Variants in TRPC1 observed in about 807,000 individuals in gnomAD.
The protein encoded by TRPC1 is transient receptor potential cation channel subfamily C member 1, also known as short transient receptor potential channel 1.
In TRPC1, 42 loss-of-function variants were observed where a neutral mutation model predicts 88.2. The observed-to-expected ratio is 0.48, with a 90% CI of 0.37 to 0.62. The LOEUF (loss-of-function observed/expected upper bound fraction) is 0.62. Among genes scored for constraint, TRPC1 ranks in the 20% least tolerant of loss-of-function variants. TRPC1 has a pLI of 0.00. For synonymous variants in TRPC1, 288 were observed against 331.8 expected (o/e 0.87, Z 1.43); for missense variants, 699 against 957.3 (o/e 0.73, Z 3.56).
chr3:142,732,914 TC>T (rs1933978832), intron 1 of TRPC1, among the ~76,000 whole-genome samples: 1 of 152,162 alleles, frequency 6.6e-6, no homozygotes, highest in South Asian at 2.1e-4. Context: ...TTTTAAGTTT[TC>T]TGACCTCTTT....
chr3:142,802,220 C>G lies in TRPC1; in HGVS notation c.1633C>G (p.Leu545Val). Residue 545 changes from leucine (L) to valine (V), a missense_variant, in exon 10 of 13, where the codon CTT (leucine) becomes GTT (valine). Leu to Val is a conservative substitution (Grantham distance 32). This residue lies in a region of TRPC1 where 426 missense variants were observed against 641.3 expected (regional missense o/e 0.66). Coordinates refer to ENST00000476941, the MANE Select transcript of TRPC1 (RefSeq NM_001251845.2). ...QDFGKFLGMFLLVLFSFTIGL... is the reference protein window; with the variant it reads ...QDFGKFLGMFVLVLFSFTIGL... ...TTTTGGAAAATTTCTTGGGATGTTT[C>G]TTCTTGTTTTGTTTTCTTTCACAAT... 1 of 1,594,614 alleles carries G rather than the reference C, an allele frequency of 6.3e-7. No homozygotes were observed. The highest frequency in any genetic ancestry group is 1.2e-5 in the South Asian group (1 of 86,662).
intron 9 of TRPC1, among the ~76,000 whole-genome samples, chr3:142,796,805 G>C (rs896408027): frequency 6.6e-6 from 1 of 152,114 alleles, no homozygotes; most frequent in South Asian, 2.1e-4. Context: ...ACTGAATCTG[G>C]CATTTAAAGT....
In TRPC1 at chr3:142,791,048, T is replaced by C; in HGVS notation, c.1327T>C (p.Trp443Arg). The C allele has an allele frequency of 6.2e-7, 1 of 1,607,758 alleles. No homozygotes were observed. Among genetic ancestry groups the C allele is most frequent in the South Asian group, 1.1e-5 (1 of 89,422 alleles). The change falls in exon 8 of 13, where the codon TGG becomes CGG. Residue 443 changes from tryptophan to arginine, a missense_variant. By Grantham distance (101) the Trp-to-Arg change is moderately radical. Around this residue, in one of 4 missense-constraint regions of TRPC1, gnomAD observed 426 missense variants for 641.3 expected, o/e 0.66. Transcript: ENST00000476941. ...GATTTGGTCAGACATTAAAAGACTCTGGTATGAAGGGTTGGAAGACTTTTT... is the reference window on the plus strand; with the variant it reads ...GATTTGGTCAGACATTAAAAGACTCCGGTATGAAGGGTTGGAAGACTTTTT... ...GMIWSDIKRL[W>R]YEGLEDFLEE... is the part of the protein sequence containing the mutation.
At chr3:142,772,467 G>A (rs1935610521) in intron 4 of TRPC1, among the ~76,000 whole-genome samples, 2 of 151,978 alleles carry the variant, frequency 1.3e-5, no homozygotes. Context: ...GTTTTCTGGG[G>A]CTCCCATAAT....
chr3:142,730,771 C>T (rs1409022278), intron 1 of TRPC1, among the ~76,000 whole-genome samples: 1 of 151,898 alleles, frequency 6.6e-6, no homozygotes, highest in Non-Finnish European at 1.5e-5. Context: ...CTTAATAAAA[C>T]TTTCTGTTTT....
intron 5 of TRPC1, among the ~76,000 whole-genome samples, chr3:142,778,513 A>G (rs1935857976): frequency 6.6e-6 from 1 of 152,154 alleles, no homozygotes; most frequent in East Asian, 1.9e-4. Flanking sequence ...TATTAATAGT[A>G]GAGTTGAGAG....
rs1459805744 is a variant in TRPC1, at chr3:142,806,702, T to A, written c.*467T>A. On this transcript the variant is annotated 3_prime_UTR_variant, in exon 13 of 13. Transcript: ENST00000476941. ...CAGCATTTATTGTTTAGGAGTATAA[T>A]TTTATTTTATCTAAAATAATAGTCT... 4 of 152,084 alleles carry A rather than the reference T, an allele frequency of 2.6e-5. No individual in the cohort carries two copies. The highest frequency in any genetic ancestry group is 9.7e-5 in the African/African-American group (4 of 41,448). The allele number at this position is 152,084 out of a possible 1,614,324, so 9.4% of individuals were successfully genotyped here.
At chr3:142,752,541 G>A (rs1577962530) in intron 4 of TRPC1, among the ~76,000 whole-genome samples, 1 of 152,014 alleles carries the variant, frequency 6.6e-6, no homozygotes. Flanking sequence ...AGTTCCCAGG[G>A]GCAAGCAGGA....
At chr3:142,729,560 A>C (rs1453258855) in intron 1 of TRPC1, among the ~76,000 whole-genome samples, 8 of 152,194 alleles carry the variant, frequency 5.3e-5, no homozygotes, top group African/African-American at 1.9e-4. Flanking sequence ...TTATCTGGGC[A>C]GTTAAAAAAA....
chr3:142,725,364 A>T (rs1174647837), intron 1 of TRPC1, among the ~76,000 whole-genome samples: 6 of 152,172 alleles, frequency 3.9e-5, no homozygotes, highest in Admixed American at 3.9e-4. Flanking sequence ...GATTTACGGA[A>T]CGCCTTTGAT....
chr3:142,726,253 A>G (rs1419664979), intron 1 of TRPC1, among the ~76,000 whole-genome samples: 1 of 152,168 alleles, frequency 6.6e-6, no homozygotes, highest in Non-Finnish European at 1.5e-5. Flanking sequence ...CAAGAAAGGA[A>G]ATTTGATATT....
At chr3:142,729,865 A>G (rs1027566185) in intron 1 of TRPC1, among the ~76,000 whole-genome samples, 3 of 152,162 alleles carry the variant, frequency 2.0e-5, no homozygotes, top group African/African-American at 7.2e-5. Context: ...GACTAAAAGA[A>G]TTCCAGCACT....
Position 142,724,756 on chromosome 3 carries a change from C to G in TRPC1, c.172+25C>G, listed in dbSNP as rs200563054. 1 of 1,536,832 alleles carries G rather than the reference C, an allele frequency of 6.5e-7. No individual in the cohort carries two copies. The highest frequency in any genetic ancestry group is 8.8e-7 in the Non-Finnish European group (1 of 1,135,090). On this transcript the variant is annotated intron_variant, in intron 1 of 12. Coordinates refer to ENST00000476941, the MANE Select transcript of TRPC1 (RefSeq NM_001251845.2). This position sits in a 1 kb window ranked among gnomAD's most constrained non-coding sequence, Gnocchi z 5.6. ...GGTGAGAGTTAGGCCCCTTTCTCCT[C>G]TGGACGCCCCTGTCCTCCAGACCTT...
intron 3 of TRPC1, among the ~76,000 whole-genome samples, chr3:142,743,807 T>G (rs1486481027): frequency 6.6e-6 from 1 of 152,170 alleles, no homozygotes; most frequent in African/African-American, 2.4e-5. Context: ...ATTTTGTCAC[T>G]GTGGACCAGT....
chr3:142,725,417 A>T (rs111773412), intron 1 of TRPC1, among the ~76,000 whole-genome samples: 2 of 152,182 alleles, frequency 1.3e-5, no homozygotes, highest in African/African-American at 4.8e-5. Flanking sequence ...TTGCTCCCAG[A>T]TCTTTCTTTG....
At chr3:142,804,700 G>A in intron 12 of TRPC1, 70 bp downstream of exon 12, 1 of 1,448,186 alleles carries the variant, frequency 6.9e-7, no homozygotes, top group Non-Finnish European at 9.4e-7. Flanking sequence ...ATTTCTTAAA[G>A]CGTAAGTATG....
chr3:142,736,235 G>C, intron 1 of TRPC1, 144 bp from the exon 2 acceptor site: 1 of 529,738 alleles, frequency 1.9e-6, no homozygotes, highest in Non-Finnish European at 3.0e-6. Flanking sequence ...TCAAGGAAAT[G>C]TTCACATTCT....
chr3:142,802,336 CT>C lies in TRPC1; in HGVS notation c.1751del (p.Phe584SerfsTer18). ...TCTGTGAACAGCAAAGCAATGATACCTTCCATTCGTGAGTATCTTTTAAATG... is the reference window on the plus strand; with the variant it reads ...TCTGTGAACAGCAAAGCAATGATACCTCCATTCGTGAGTATCTTTTAAATG... Reference protein sequence around the residue: ...IFCEQQSNDTFHSFIGTCFAL... With the variant: ...IFCEQQSNDTXHSFIGTCFAL... On this transcript the variant is annotated frameshift_variant, in exon 10 of 13. Transcript: ENST00000476941. LOFTEE classifies it high-confidence loss of function. 1 of 1,414,322 alleles carries C rather than the reference CT, an allele frequency of 7.1e-7. No individual in the cohort carries two copies. Among genetic ancestry groups the C allele is most frequent in the Non-Finnish European group, 9.2e-7 (1 of 1,081,910 alleles). The allele number at this position is 1,414,322 out of a possible 1,614,324, so 87.6% of individuals were successfully genotyped here.
rs141524976 is a variant in TRPC1, at chr3:142,797,990, T to C, written c.1582-4179T>C. Reference sequence around the variant, plus strand: ...GAGTAAAGAGCTGTTTCAGGTGTTTTGCATTTTGGTGTATATTAGAGTTAG... The same window carrying C: ...GAGTAAAGAGCTGTTTCAGGTGTTTCGCATTTTGGTGTATATTAGAGTTAG... On this transcript the variant is annotated intron_variant, in intron 9 of 12. Coordinates refer to ENST00000476941, the MANE Select transcript of TRPC1 (RefSeq NM_001251845.2). Among the ~76,000 whole-genome samples, 199 of 152,230 alleles carry C rather than the reference T, an allele frequency of 1.3e-3. 2 individuals carry two copies. The highest frequency in any genetic ancestry group is 4.5e-3 in the African/African-American group (188 of 41,536).
Sources: gnomAD v4.1 joint callset for allele counts (sites outside exome capture counted in the v4.1 genomes callset) on GRCh38, gnomAD v4.1.1 for gene constraint, gnomAD v4.1.1 regional missense constraint, Gnocchi (gnomAD v3.1) non-coding constraint, MANE v1.5 for transcripts, NCBI Gene and HGNC (gene_info 2026-07-23, HGNC 2026-07-21) for gene names.